NYAP2: variants seen among roughly 807,000 people sequenced by gnomAD.
The protein encoded by NYAP2 is neuronal tyrosine-phosphorylated phosphoinositide-3-kinase adapter 2.
NYAP2 carries 23 observed loss-of-function variants against 50.4 expected under a neutral mutation model. The observed-to-expected ratio is 0.46, with a 90% CI of 0.33 to 0.65. The LOEUF is 0.65. Ranked by LOEUF, NYAP2 falls within the 30% of genes least tolerant of loss-of-function variation. NYAP2 has a pLI of 0.02. For synonymous variants in NYAP2, 394 were observed against 365.2 expected (o/e 1.08, Z -0.90); for missense variants, 885 against 861.0 (o/e 1.03, Z -0.35).
At chr2:225,533,836 C>T (rs772344935) in intron 4 of NYAP2, among the ~76,000 whole-genome samples, 3 of 152,102 alleles carry the variant, frequency 2.0e-5, no homozygotes, top group Non-Finnish European at 4.4e-5. Context: ...TTAATTTTTT[C>T]CCTAACTATG....
chr2:225,552,121 T>A (rs1341715232), intron 4 of NYAP2, among the ~76,000 whole-genome samples: 2 of 152,168 alleles, frequency 1.3e-5, no homozygotes, highest in African/African-American at 2.4e-5. Context: ...CACTTCTTTC[T>A]TTTTGATTCA....
At chr2:225,672,282 G>A in the NYAP2 span, among the ~76,000 whole-genome samples, 1 of 152,188 alleles carries the variant, frequency 6.6e-6, no homozygotes, top group South Asian at 2.1e-4. Flanking sequence ...ATAACTTACT[G>A]CTTCACCTTA....
chr2:225,504,338 G>A (rs921623808), intron 3 of NYAP2, among the ~76,000 whole-genome samples: 1 of 152,022 alleles, frequency 6.6e-6, no homozygotes, highest in African/African-American at 2.4e-5. Context: ...CATTCTGAGG[G>A]TTTTGCCCCC....
intron 6 of NYAP2, among the ~76,000 whole-genome samples, chr2:225,650,937 C>T (rs1693719992): frequency 6.6e-6 from 1 of 152,018 alleles, no homozygotes; most frequent in African/African-American, 2.4e-5. Context: ...TCTTGGAAGA[C>T]AGTTATAAAA....
chr2:225,583,197 T>G (rs1692330710), intron 5 of NYAP2, among the ~76,000 whole-genome samples, 162 bp downstream of exon 5: 1 of 152,248 alleles, frequency 6.6e-6, no homozygotes, highest in Non-Finnish European at 1.5e-5. Flanking sequence ...TTTGCCATGC[T>G]AAACCAAATA....
At chr2:225,698,623 T>C in the NYAP2 span, 1 of 152,298 alleles carries the variant, frequency 6.6e-6, no homozygotes, top group Non-Finnish European at 1.5e-5. Flanking sequence ...AATGAACTGT[T>C]ACATATCTTT....
At chr2:225,545,889 C>T (rs546981383) in intron 4 of NYAP2, among the ~76,000 whole-genome samples, 5 of 152,236 alleles carry the variant, frequency 3.3e-5, no homozygotes, top group South Asian at 2.1e-4. Context: ...AAGCCCTACT[C>T]GTGTTAGGGA....
intron 3 of NYAP2, among the ~76,000 whole-genome samples, chr2:225,428,801 G>C (rs781707854): frequency 6.6e-6 from 1 of 152,180 alleles, no homozygotes; most frequent in Non-Finnish European, 1.5e-5. Flanking sequence ...CACATACACA[G>C]TAAAACTTCA....
At chr2:225,489,454 T>C (rs956877896) in intron 3 of NYAP2, among the ~76,000 whole-genome samples, 1 of 152,160 alleles carries the variant, frequency 6.6e-6, no homozygotes. Context: ...CGCCTTGGCC[T>C]CCCAAATGGT....
chr2:225,663,171 A>C, the NYAP2 span, among the ~76,000 whole-genome samples: 1 of 152,204 alleles, frequency 6.6e-6, no homozygotes, highest in African/African-American at 2.4e-5. Context: ...AAACCAGTAC[A>C]GAAGGGGACT....
chr2:225,454,036 G>A (rs1295852724), intron 3 of NYAP2, among the ~76,000 whole-genome samples: 1 of 151,924 alleles, frequency 6.6e-6, no homozygotes, highest in Non-Finnish European at 1.5e-5. Context: ...AAACTTTTGA[G>A]GCCAGGAGTG....
At chr2:225,546,877 G>T (rs1353384809) in intron 4 of NYAP2, among the ~76,000 whole-genome samples, 2 of 151,988 alleles carry the variant, frequency 1.3e-5, no homozygotes, top group African/African-American at 4.8e-5. Context: ...GGCTCTTCAG[G>T]GCCTGCAAGC....
intron 4 of NYAP2, among the ~76,000 whole-genome samples, chr2:225,540,459 A>G (rs1446861185): frequency 6.6e-6 from 1 of 152,206 alleles, no homozygotes; most frequent in African/African-American, 2.4e-5. Context: ...GAGCTTGTGC[A>G]GGAATACTCC....
At chr2:225,646,943 T>G (rs954340749) in intron 6 of NYAP2, among the ~76,000 whole-genome samples, 3 of 152,176 alleles carry the variant, frequency 2.0e-5, no homozygotes, top group Non-Finnish European at 4.4e-5. Context: ...AGGTGTAGTC[T>G]GTGCATTGGA....
intron 3 of NYAP2, among the ~76,000 whole-genome samples, chr2:225,417,383 C>T (rs1370332627): frequency 6.6e-6 from 1 of 151,916 alleles, no homozygotes; most frequent in African/African-American, 2.4e-5. Flanking sequence ...CAAGTCCCCC[C>T]TCAAAATGAA....
rs191807792 is a variant in NYAP2, at chr2:225,528,412, A to C, written c.523+14740A>C. ...CACATAATGGAAATCATCCCGCCGC[A>C]AAGTGCTTGGATTATTTTATTGGTT... On this transcript the variant is annotated intron_variant, in intron 4 of 6. Transcript: ENST00000636099. Among the ~76,000 whole-genome samples the C allele has an allele frequency of 5.7e-3, 869 of 152,298 alleles. 17 individuals carry two copies. The highest frequency in any genetic ancestry group is 4.4e-3 in the Non-Finnish European group (302 of 68,034).
At chr2:225,515,083 T>A (rs1690903917) in intron 4 of NYAP2, among the ~76,000 whole-genome samples, 2 of 152,172 alleles carry the variant, frequency 1.3e-5, no homozygotes, top group African/African-American at 2.4e-5. Flanking sequence ...CAGGTGCCTT[T>A]AGCCAAAAAC....
intron 4 of NYAP2, among the ~76,000 whole-genome samples, chr2:225,568,900 AG>A (rs1424310829): frequency 1.3e-5 from 2 of 152,212 alleles, no homozygotes; most frequent in Non-Finnish European, 2.9e-5. Context: ...TATACTCTGA[AG>A]GTTTCCTGAA....
At chr2:225,468,952 A>G (rs376512927) in intron 3 of NYAP2, among the ~76,000 whole-genome samples, 107 of 152,310 alleles carry the variant, frequency 7.0e-4, no homozygotes, top group African/African-American at 2.4e-3. Flanking sequence ...CTCTCATTCC[A>G]ATTGGAAAAA....
Sources: gnomAD v4.1 joint callset for allele counts (sites outside exome capture counted in the v4.1 genomes callset) on GRCh38, gnomAD v4.1.1 for gene constraint, MANE v1.5 for transcripts, NCBI Gene and HGNC (gene_info 2026-07-23, HGNC 2026-07-21) for gene names.